Variants in DGKB observed in about 807,000 individuals in gnomAD.
DGKB encodes the protein diacylglycerol kinase beta.
In DGKB, 67 loss-of-function variants were observed where a neutral mutation model predicts 114.3. The observed-to-expected ratio is 0.59, with a 90% CI of 0.48 to 0.72. The LOEUF (loss-of-function observed/expected upper bound fraction) is 0.72, where lower values mean the gene tolerates loss of function less well. Ranked by LOEUF, DGKB falls within the 30% of genes least tolerant of loss-of-function variation. DGKB has a pLI of 0.00. For synonymous variants in DGKB, 398 were observed against 323.1 expected (o/e 1.23, Z -2.49); for missense variants, 907 against 975.2 (o/e 0.93, Z 0.93).
intron 13 of DGKB, among the ~76,000 whole-genome samples, chr7:14,634,077 T>A (rs1156434040): frequency 6.6e-6 from 1 of 151,338 alleles, no homozygotes; most frequent in Non-Finnish European, 1.5e-5. Context: ...ATTAAAAGGG[T>A]CATTAGTTAT....
chr7:14,691,096 A>G (rs908859331), intron 9 of DGKB, among the ~76,000 whole-genome samples: 1 of 152,220 alleles, frequency 6.6e-6, no homozygotes, highest in African/African-American at 2.4e-5. Context: ...ACCAAAATAG[A>G]TATTCTTTAA....
chr7:14,386,912 T>C (rs1820434271), intron 21 of DGKB, among the ~76,000 whole-genome samples: 1 of 152,088 alleles, frequency 6.6e-6, no homozygotes, highest in Admixed American at 6.5e-5. Flanking sequence ...TTCTCACTTA[T>C]GATTCCTTTA....
At chr7:14,539,290 T>G (rs1793032979) in intron 20 of DGKB, among the ~76,000 whole-genome samples, 1 of 152,168 alleles carries the variant, frequency 6.6e-6, no homozygotes. Flanking sequence ...ATGTGTGGTT[T>G]CATATTTTTG....
chr7:14,925,708 G>A (rs1384903514), intron 1 of DGKB, among the ~76,000 whole-genome samples: 1 of 152,066 alleles, frequency 6.6e-6, no homozygotes, highest in Non-Finnish European at 1.5e-5. Flanking sequence ...TTCATAATTA[G>A]TATATACAAA....
At chr7:14,849,595 T>C (rs975053150) in intron 1 of DGKB, among the ~76,000 whole-genome samples, 1 of 152,138 alleles carries the variant, frequency 6.6e-6, no homozygotes, top group Non-Finnish European at 1.5e-5. Flanking sequence ...CCAGTATCAG[T>C]AATTCTGTTA....
intron 5 of DGKB, among the ~76,000 whole-genome samples, chr7:14,722,072 T>C (rs1485217839): frequency 2.6e-5 from 4 of 152,218 alleles, no homozygotes; most frequent in Non-Finnish European, 5.9e-5. Flanking sequence ...TCCACCAAAG[T>C]AGTACGTTAG....
chr7:14,587,986 C>T (rs959450117), intron 17 of DGKB, among the ~76,000 whole-genome samples: 2 of 151,988 alleles, frequency 1.3e-5, no homozygotes, highest in Non-Finnish European at 1.5e-5. Flanking sequence ...TATGCCTGTA[C>T]GTACTTCCTA....
chr7:14,436,796 T>A (rs1404005802), intron 21 of DGKB, among the ~76,000 whole-genome samples: 2 of 152,138 alleles, frequency 1.3e-5, no homozygotes, highest in Non-Finnish European at 2.9e-5. Flanking sequence ...GAGTTTGACC[T>A]TTGTTTTAAT....
At chr7:14,381,217 T>C (rs779114839) in intron 21 of DGKB, among the ~76,000 whole-genome samples, 13 of 152,196 alleles carry the variant, frequency 8.5e-5, no homozygotes, top group Non-Finnish European at 1.5e-4. Context: ...CCTCTTTTAT[T>C]TAATGCCAAT....
chr7:14,922,575 T>C (rs1317285259), intron 1 of DGKB, among the ~76,000 whole-genome samples: 2 of 151,926 alleles, frequency 1.3e-5, no homozygotes, highest in African/African-American at 4.8e-5. Flanking sequence ...AACAGCAGGG[T>C]TTAGAAGACA....
intron 2 of DGKB, among the ~76,000 whole-genome samples, chr7:14,805,339 A>G (rs1562582237): frequency 6.6e-6 from 1 of 152,064 alleles, no homozygotes; most frequent in Admixed American, 6.6e-5. Flanking sequence ...GTGGGAATAA[A>G]CCTGTGAGTG....
intron 20 of DGKB, among the ~76,000 whole-genome samples, chr7:14,492,641 G>A (rs1258339523): frequency 1.3e-5 from 2 of 151,936 alleles, no homozygotes; most frequent in Non-Finnish European, 2.9e-5. Flanking sequence ...CGCCATGATG[G>A]GTTTCTACAG....
At chr7:14,778,948 G>A (rs1317701539) in intron 2 of DGKB, among the ~76,000 whole-genome samples, 1 of 152,156 alleles carries the variant, frequency 6.6e-6, no homozygotes, top group Non-Finnish European at 1.5e-5. Flanking sequence ...CTGAGGTCAG[G>A]AGTTCGAGAT....
chr7:14,431,373 C>G (rs1438082049), intron 21 of DGKB, among the ~76,000 whole-genome samples: 1 of 152,088 alleles, frequency 6.6e-6, no homozygotes, highest in Admixed American at 6.6e-5. Flanking sequence ...TTACAACAGA[C>G]ATTTTTTCTG....
At chr7:14,793,267 A>T (rs1840940623) in intron 2 of DGKB, among the ~76,000 whole-genome samples, 1 of 152,150 alleles carries the variant, frequency 6.6e-6, no homozygotes, top group Non-Finnish European at 1.5e-5. Context: ...GTCATGTAAA[A>T]TTGTTTAGAT....
At chr7:14,828,507 G>T (rs1023118967) in intron 2 of DGKB, among the ~76,000 whole-genome samples, 2 of 151,952 alleles carry the variant, frequency 1.3e-5, no homozygotes, top group Non-Finnish European at 2.9e-5. Context: ...TAACAACATG[G>T]GCAAGCTCAT....
chr7:14,702,070 A>G (rs1585792096), intron 6 of DGKB, among the ~76,000 whole-genome samples: 1 of 152,220 alleles, frequency 6.6e-6, no homozygotes, highest in South Asian at 2.1e-4. Context: ...GGTATTAAAG[A>G]GCAGAGTGCA....
chr7:14,564,305 C>A (rs1797084541), intron 20 of DGKB, among the ~76,000 whole-genome samples: 1 of 152,276 alleles, frequency 6.6e-6, no homozygotes, highest in Admixed American at 6.5e-5. Flanking sequence ...AAACTAACCT[C>A]TTCCTTCCTC....
chr7:14,491,615 A>G (rs537462820), intron 20 of DGKB, among the ~76,000 whole-genome samples: 6 of 152,254 alleles, frequency 3.9e-5, no homozygotes, highest in Non-Finnish European at 8.8e-5. Context: ...TTCCTAAAAG[A>G]ACACATATTA....
Sources: gnomAD v4.1 joint callset for allele counts (sites outside exome capture counted in the v4.1 genomes callset) on GRCh38, gnomAD v4.1.1 for gene constraint, MANE v1.5 for transcripts, NCBI Gene and HGNC (gene_info 2026-07-23, HGNC 2026-07-21) for gene names.